PKHD1L1: variants seen among roughly 807,000 people sequenced by gnomAD.
The protein encoded by PKHD1L1 is fibrocystin-L.
Under a neutral mutation model 462.9 loss-of-function variants are expected in PKHD1L1, and 434 were observed. The ratio of observed to expected loss-of-function variants is 0.94; its 90% CI spans 0.87 to 1.02. The LOEUF (loss-of-function observed/expected upper bound fraction) is 1.02. PKHD1L1 is among the 50% of genes least tolerant of loss of function. The probability of loss-of-function intolerance (pLI) is 0.00; values close to 1 mark genes in which losing one functional copy is unlikely to be tolerated. For missense variants in PKHD1L1, 5,202 were observed against 5,096.1 expected, an observed-to-expected ratio of 1.02 and a Z score of -0.63; for synonymous variants, 1,781 against 1,750.0, an observed-to-expected ratio of 1.02 and a Z score of -0.44.
chr8:109,449,634 A>C (rs1816371150), intron 40 of PKHD1L1, 147 bp downstream of exon 40: 2 of 605,118 alleles, frequency 3.3e-6, no homozygotes, highest in African/African-American at 1.9e-5. Context: ...TCTTCAGGAC[A>C]TTTTCTAGAT....
intron 32 of PKHD1L1, 113 bp downstream of exon 32, chr8:109,439,205 T>C: frequency 2.1e-6 from 2 of 949,852 alleles, no homozygotes; most frequent in Non-Finnish European, 3.1e-6. Flanking sequence ...CTCTTTACCT[T>C]CCTATATCTT....
chr8:109,433,035 A>G, intron 27 of PKHD1L1, 71 bp from the exon 28 acceptor site: 1 of 1,095,076 alleles, frequency 9.1e-7, no homozygotes, highest in Non-Finnish European at 1.3e-6. Flanking sequence ...TATTTGAGAA[A>G]TGTCTGATTT....
intron 50 of PKHD1L1, among the ~76,000 whole-genome samples, chr8:109,471,530 A>G (rs1817716433): frequency 6.6e-6 from 1 of 152,190 alleles, no homozygotes; most frequent in African/African-American, 2.4e-5. Context: ...CAAGTATTTC[A>G]TACTGTACAC....
chr8:109,532,321 C>A lies in PKHD1L1; in HGVS notation c.*2231C>A, dbSNP rs1382500092. Among the ~76,000 whole-genome samples the A allele has an allele frequency of 6.6e-6, 1 of 152,156 alleles. No individual in the cohort carries two copies. Among genetic ancestry groups the A allele is most frequent in the African/African-American group, 2.4e-5 (1 of 41,444 alleles). On this transcript the variant is annotated 3_prime_UTR_variant, in exon 78 of 78. Coordinates refer to ENST00000378402, the MANE Select transcript of PKHD1L1 (RefSeq NM_177531.6). ...CTTTTTAAGAACATTCTAGAATTAT[C>A]ATAATAATTCCTTATTCCAGATAAA... is the stretch of plus-strand genomic sequence containing the variant.
At chr8:109,384,675 C>T (rs1812341252) in intron 5 of PKHD1L1, among the ~76,000 whole-genome samples, 1 of 149,040 alleles carries the variant, frequency 6.7e-6, no homozygotes, top group Non-Finnish European at 1.5e-5. Flanking sequence ...CTATATTATT[C>T]CAGTTTATAA....
chr8:109,496,145 C>A (rs909749904), intron 63 of PKHD1L1, among the ~76,000 whole-genome samples: 2 of 152,198 alleles, frequency 1.3e-5, no homozygotes, highest in African/African-American at 4.8e-5. Context: ...TATCTCTGTA[C>A]TACCTTCTAG....
chr8:109,511,153 A>G (rs1819954344), intron 71 of PKHD1L1, among the ~76,000 whole-genome samples: 1 of 152,044 alleles, frequency 6.6e-6, no homozygotes, highest in Non-Finnish European at 1.5e-5. Context: ...TGCCATATGC[A>G]CTTGATTCTG....
Position 109,439,056 on chromosome 8 carries a change from A to G in PKHD1L1, c.3920A>G (p.Tyr1307Cys). Residue 1307 changes from tyrosine (Y) to cysteine (C), a missense_variant, in exon 32 of 78, where the codon TAT becomes TGT. Physicochemically the swap from Tyr to Cys is radical, Grantham distance 194 (BLOSUM62 -2). Coordinates refer to ENST00000378402, the MANE Select transcript of PKHD1L1 (RefSeq NM_177531.6). ...PKLSPGKHDI[Y>C]VEVRNWGFAS... ...TTGTCTCCTGGAAAACATGATATCTATGTAGAAGTCAGAAACTGGGGTTTT... is the reference window on the plus strand; with the variant it reads ...TTGTCTCCTGGAAAACATGATATCTGTGTAGAAGTCAGAAACTGGGGTTTT... The G allele has an allele frequency of 6.2e-7, 1 of 1,613,334 alleles. No homozygotes were observed. Among genetic ancestry groups the G allele is most frequent in the Non-Finnish European group, 8.5e-7 (1 of 1,179,598 alleles).
intron 50 of PKHD1L1, among the ~76,000 whole-genome samples, chr8:109,467,313 G>C (rs1460047622): frequency 6.6e-6 from 1 of 152,052 alleles, no homozygotes; most frequent in Admixed American, 6.6e-5. Flanking sequence ...AACTAAATGG[G>C]GATGTGGTGA....
chr8:109,430,236 A>T (rs1405947685), intron 27 of PKHD1L1, among the ~76,000 whole-genome samples, 199 bp downstream of exon 27: 3 of 152,194 alleles, frequency 2.0e-5, no homozygotes, highest in African/African-American at 7.2e-5. Flanking sequence ...TTGAAAAAAA[A>T]ATATTTCTTT....
In PKHD1L1 at chr8:109,384,076, A is replaced by T; in HGVS notation, c.424A>T (p.Ser142Cys). The T allele has an allele frequency of 6.2e-7, 1 of 1,608,020 alleles. No individual in the cohort carries two copies. Among genetic ancestry groups the T allele is most frequent in the Non-Finnish European group, 8.5e-7 (1 of 1,174,880 alleles). The change falls in exon 5 of 78, where the codon AGT becomes TGT. Residue 142 changes from serine to cysteine, a missense_variant. Ser to Cys is a moderately radical substitution (Grantham distance 112). Coordinates refer to ENST00000378402, the MANE Select transcript of PKHD1L1 (RefSeq NM_177531.6). ...GACATTATTCTTTTTACAGGCAAAA[A>T]GTTTTAGAACCCCAACAATAAGAAG... ...NSWECTFNAK[S>C]FRTPTIRSIT...
chr8:109,527,097 A>G (rs1469152578), intron 77 of PKHD1L1, 77 bp downstream of exon 77: 3 of 1,229,072 alleles, frequency 2.4e-6, no homozygotes, highest in African/African-American at 1.5e-5. Flanking sequence ...CTGTGTGCAC[A>G]GCTCTTGTGC....
chr8:109,395,177 A>C (rs1191233351), intron 10 of PKHD1L1, among the ~76,000 whole-genome samples: 1 of 152,218 alleles, frequency 6.6e-6, no homozygotes, highest in Admixed American at 6.5e-5. Flanking sequence ...CAAAAAATGT[A>C]AAGTCTGGTA....
intron 49 of PKHD1L1, among the ~76,000 whole-genome samples, chr8:109,465,919 T>C (rs887043542): frequency 1.3e-5 from 2 of 152,178 alleles, no homozygotes; most frequent in African/African-American, 4.8e-5. Context: ...TTTAGCATCT[T>C]TACAAATTGT....
At chr8:109,472,325 A>G (rs1817762982) in intron 50 of PKHD1L1, among the ~76,000 whole-genome samples, 1 of 152,154 alleles carries the variant, frequency 6.6e-6, no homozygotes, top group African/African-American at 2.4e-5. Context: ...TAAGCTTTCA[A>G]ATCTCTAAGC....
chr8:109,372,068 G>A (rs1338747321), intron 2 of PKHD1L1, among the ~76,000 whole-genome samples: 1 of 152,084 alleles, frequency 6.6e-6, no homozygotes, highest in Admixed American at 6.6e-5. Flanking sequence ...GATGGGGATG[G>A]CATTGAATCT....
In PKHD1L1 at chr8:109,488,015, G is replaced by A. The variant is rs560629491; in HGVS notation, c.9880+1194G>A. Among the ~76,000 whole-genome samples the A allele has an allele frequency of 4.0e-5, 6 of 151,746 alleles. No homozygotes were observed. The South Asian group carries it at 8.4e-4, about 21-fold the overall frequency. ...ATTTTTCCATCAGTAGGTACATAATGTATGATTGTTTCTCTTCTTACAATG... is the reference window on the plus strand; with the variant it reads ...ATTTTTCCATCAGTAGGTACATAATATATGATTGTTTCTCTTCTTACAATG... On this transcript the variant is annotated intron_variant, in intron 59 of 77. Coordinates refer to ENST00000378402, the MANE Select transcript of PKHD1L1 (RefSeq NM_177531.6).
rs1018380355 is a variant in PKHD1L1 at position 109,533,688 on chromosome 8, T to C, written c.*3598T>C. 1.3e-5 allele frequency among the ~76,000 whole-genome samples: 2 copies of C among 152,198 alleles called. No homozygotes were observed. Among genetic ancestry groups the C allele is most frequent in the African/African-American group, 4.8e-5 (2 of 41,448 alleles). ...GTTTTTCCAGCTACATGGAGCAAGA[T>C]GGCTCCTGAGACCTGGAGGATAAAG... On this transcript the variant is annotated 3_prime_UTR_variant, in exon 78 of 78. Coordinates refer to ENST00000378402, the MANE Select transcript of PKHD1L1 (RefSeq NM_177531.6).
At chr8:109,404,750 A>G in intron 15 of PKHD1L1, 37 bp downstream of exon 15, 4 of 1,538,730 alleles carry the variant, frequency 2.6e-6, no homozygotes, top group Non-Finnish European at 3.5e-6. Flanking sequence ...CAGAAAGTAA[A>G]TGTTCGAAGG....
Sources: allele counts gnomAD v4.1 joint callset (sites outside exome capture counted in the v4.1 genomes callset), GRCh38; gene constraint gnomAD v4.1.1; transcripts MANE v1.5; gene names NCBI Gene and HGNC (gene_info 2026-07-23, HGNC 2026-07-21).